MAX: variants seen among roughly 807,000 people sequenced by gnomAD.
MAX encodes MYC associated transcriptional regulator X.
Under a neutral mutation model 22.3 loss-of-function variants are expected in MAX, and 3 were observed. The ratio of observed to expected loss-of-function variants is 0.13; its 90% CI spans 0.06 to 0.35. MAX has a LOEUF of 0.35. Among genes scored for constraint, MAX ranks in the 10% least tolerant of loss-of-function variants. The pLI, the probability that MAX is intolerant of heterozygous loss-of-function variation, is 1.00. For missense variants in MAX, 119 were observed against 209.4 expected (o/e 0.57, Z 2.66); for synonymous variants, 72 against 77.7 (o/e 0.93, Z 0.39).
chr14:65,057,994 C>G (rs1000787338), intron 3 of MAX, among the ~76,000 whole-genome samples: 2 of 152,170 alleles, frequency 1.3e-5, no homozygotes, highest in African/African-American at 4.8e-5. Context: ...TTCAAAATTG[C>G]CTTGGCTATT....
In MAX at chr14:65,014,761, C is replaced by T. The variant is rs2061739286; in HGVS notation, c.172-8477G>A. Among the ~76,000 whole-genome samples, 1 of 152,134 alleles carries T rather than the reference C, an allele frequency of 6.6e-6. No homozygotes were observed. The highest frequency in any genetic ancestry group is 2.4e-5 in the African/African-American group (1 of 41,430). Reference sequence around the variant, plus strand: ...CCCGGGAGGTTGAGGCTGCAGTGAGCTGAGATCATACCACTGCACTCTAGC... The same window carrying T: ...CCCGGGAGGTTGAGGCTGCAGTGAGTTGAGATCATACCACTGCACTCTAGC... On this transcript the variant is annotated intron_variant, in intron 3 of 3. Transcript: ENST00000341653. The surrounding 1 kb of genome is among the most constrained non-coding windows in gnomAD (Gnocchi z 5.1).
intron 3 of MAX, among the ~76,000 whole-genome samples, chr14:65,055,528 T>A (rs2062715402): frequency 6.6e-6 from 1 of 152,086 alleles, no homozygotes; most frequent in Admixed American, 6.5e-5. Flanking sequence ...TTTTAATTTT[T>A]TTTTGTGAGA....
chr14:65,079,270 T>C lies in MAX; in HGVS notation c.172-1234A>G, dbSNP rs894425414. Among the ~76,000 whole-genome samples, 2 of 152,176 alleles carry C rather than the reference T, an allele frequency of 1.3e-5. No homozygotes were observed. Among genetic ancestry groups the C allele is most frequent in the African/African-American group, 4.8e-5 (2 of 41,448 alleles). On this transcript the variant is annotated intron_variant, in intron 3 of 4. Transcript: ENST00000358664. The surrounding 1 kb of genome is among the most constrained non-coding windows in gnomAD (Gnocchi z 4.5). ...GCCTTCCTGGCTAAAGAGACTTTCA[T>C]AAAAAGCTGTCGGTGCTTGATGTCA...
At position 65,012,222 on chromosome 14, in the gene MAX, C is replaced by G; in HGVS notation, c.172-5938G>C. ...GTGATTGCAGGGGGACGTCCTGAAG[C>G]TGAGTGTTTACCCGTGTGTGTGTAC... On this transcript the variant is annotated intron_variant, in intron 3 of 3. Coordinates refer to the MAX transcript ENST00000341653. The surrounding 1 kb of genome is among the most constrained non-coding windows in gnomAD (Gnocchi z 5.0). The G allele has an allele frequency of 6.7e-7, 1 of 1,499,652 alleles. No individual in the cohort carries two copies. The highest frequency in any genetic ancestry group is 9.2e-7 in the Non-Finnish European group (1 of 1,084,484). The allele number at this position is 1,499,652 out of a possible 1,614,324, so 92.9% of individuals were successfully genotyped here. A position where few individuals can be genotyped will look rare whatever the true frequency, so the allele number is the denominator to read the frequency against.
In MAX at chr14:65,094,615, G is replaced by C. The variant is rs927443921; in HGVS notation, c.64-800C>G. Among the ~76,000 whole-genome samples, 9 of 152,332 alleles carry C rather than the reference G, an allele frequency of 5.9e-5. No individual in the cohort carries two copies. The South Asian group carries it at 1.9e-3, about 32-fold the overall frequency. On this transcript the variant is annotated intron_variant, in intron 2 of 4. Transcript: ENST00000358664. ...TAACTGGCAGTATCTAAATATCCAA[G>C]TCAAAGCCTTAGCCTGCTTGGAATC...
rs1169947374 is a variant in MAX, at chr14:65,028,088, A to G, written c.172-21804T>C. On this transcript the variant is annotated intron_variant, in intron 3 of 3. Transcript: ENST00000341653. The surrounding 1 kb of genome is among the most constrained non-coding windows in gnomAD (Gnocchi z 4.4). Reference sequence around the variant, plus strand: ...CACAATATAAATAACTGTATGGTGTAATGTATTCCTTCACCTCTCTGAGAT... The same window carrying G: ...CACAATATAAATAACTGTATGGTGTGATGTATTCCTTCACCTCTCTGAGAT... 1.3e-5 allele frequency among the ~76,000 whole-genome samples: 2 copies of G among 152,212 alleles called. No homozygotes were observed. Among genetic ancestry groups the G allele is most frequent in the Non-Finnish European group, 2.9e-5 (2 of 68,036 alleles).
intron 3 of MAX, among the ~76,000 whole-genome samples, chr14:65,043,235 C>T (rs1307944625): frequency 6.6e-6 from 1 of 152,150 alleles, no homozygotes; most frequent in Non-Finnish European, 1.5e-5. Context: ...TTCTGAGGGA[C>T]CAAACCCATG....
At position 65,023,860 on chromosome 14, in the gene MAX, G is replaced by A. The variant is rs112808916; in HGVS notation, c.172-17576C>T. On this transcript the variant is annotated intron_variant, in intron 3 of 3. Coordinates refer to the MAX transcript ENST00000341653. The surrounding 1 kb of genome is among the most constrained non-coding windows in gnomAD (Gnocchi z 4.1). Reference sequence around the variant, plus strand: ...TCACGCCTGTAATCCTAGCACTTTGGGAGGCCAAGGCGGGCGGATTGTCTG... The same window carrying A: ...TCACGCCTGTAATCCTAGCACTTTGAGAGGCCAAGGCGGGCGGATTGTCTG... 0.01 allele frequency among the ~76,000 whole-genome samples: 1,579 copies of A among 152,150 alleles called. 25 individuals carry two copies. Among genetic ancestry groups the A allele is most frequent in the East Asian group, 0.082 (421 of 5,164 alleles).
rs184490652 is a variant in MAX at position 65,051,567 on chromosome 14, T to A, written c.171+42141A>T. Among the ~76,000 whole-genome samples the A allele has an allele frequency of 6.1e-3, 921 of 151,388 alleles. 11 individuals are homozygous for A. The highest frequency in any genetic ancestry group is 0.021 in the African/African-American group (871 of 41,256). ...CGGAGGTTGCAGTGAGCCGAGATCGTGCCATTGCCCTCCAACCTGGGCAAC... is the reference window on the plus strand; with the variant it reads ...CGGAGGTTGCAGTGAGCCGAGATCGAGCCATTGCCCTCCAACCTGGGCAAC... On this transcript the variant is annotated intron_variant, in intron 3 of 3. Transcript: ENST00000341653.
intron 2 of MAX, among the ~76,000 whole-genome samples, chr14:65,097,795 CA>C (rs1404048946): frequency 1.1e-4 from 16 of 152,252 alleles, no homozygotes; most frequent in Admixed American, 1.0e-3. Context: ...TCATTTTAAT[CA>C]ACCCAAAAAT....
At position 65,075,602 on chromosome 14, in the gene MAX, T is replaced by C. The variant is rs941361616; in HGVS notation, c.*874A>G. ...TTTGCAAGACCGACATCATCAGAAA[T>C]AGGTACAATTCACTCAGATTCAAAT... On this transcript the variant is annotated 3_prime_UTR_variant, in exon 5 of 5. Coordinates refer to ENST00000358664, the MANE Select transcript of MAX (RefSeq NM_002382.5). This position sits in a 1 kb window ranked among gnomAD's most constrained non-coding sequence, Gnocchi z 4.1. The C allele has an allele frequency of 1.9e-5, 20 of 1,066,334 alleles. No individual in the cohort carries two copies. The African/African-American group carries it at 2.6e-4, about 14-fold the overall frequency. The allele number at this position is 1,066,334 out of a possible 1,614,324, so 66.1% of individuals were successfully genotyped here. A position where few individuals can be genotyped will look rare whatever the true frequency, so the allele number is the denominator to read the frequency against.
chr14:65,049,979 T>C (rs1216941901), intron 3 of MAX, among the ~76,000 whole-genome samples: 2 of 151,872 alleles, frequency 1.3e-5, no homozygotes, highest in Admixed American at 1.3e-4. Context: ...GTATAAAACA[T>C]ATATATGTTT....
chr14:65,054,551 G>A lies in MAX; in HGVS notation c.171+39157C>T, dbSNP rs985488897. On this transcript the variant is annotated intron_variant, in intron 3 of 3. Transcript: ENST00000341653. The surrounding 1 kb of genome is among the most constrained non-coding windows in gnomAD (Gnocchi z 4.4). ...ATGTGTGCGGAGCAGAGGAGCGCCT[G>A]CTCAGAGCTGCCTGTCCTTACAGGT... 5.6e-6 allele frequency: 9 copies of A among 1,605,930 alleles called. No individual in the cohort carries two copies. The highest frequency in any genetic ancestry group is 7.7e-6 in the Non-Finnish European group (9 of 1,176,196).
At chr14:65,061,712 C>T (rs959964598) in intron 3 of MAX, 7 of 184,548 alleles carry the variant, frequency 3.8e-5, no homozygotes, top group Admixed American at 1.6e-4. Flanking sequence ...GGGTGCCCTC[C>T]GATGGGTGGA....
chr14:65,048,760 T>C (rs1473935909), intron 3 of MAX, among the ~76,000 whole-genome samples: 1 of 150,590 alleles, frequency 6.6e-6, no homozygotes, highest in African/African-American at 2.5e-5. Context: ...GAGGCTGAGG[T>C]AGAAGGATCA....
At chr14:65,053,697 C>G (rs1047230518) in intron 3 of MAX, among the ~76,000 whole-genome samples, 1 of 151,356 alleles carries the variant, frequency 6.6e-6, no homozygotes, top group Non-Finnish European at 1.5e-5. Context: ...GTGTTGTAAA[C>G]AGAGACTGTA....
At position 65,012,792 on chromosome 14, in the gene MAX, T is replaced by C. The variant is rs190183116; in HGVS notation, c.172-6508A>G. 6.6e-6 allele frequency among the ~76,000 whole-genome samples: 1 copy of C among 152,372 alleles called. No homozygotes were observed. The highest frequency in any genetic ancestry group is 2.4e-5 in the African/African-American group (1 of 41,594). On this transcript the variant is annotated intron_variant, in intron 3 of 3. Coordinates refer to the MAX transcript ENST00000341653. This position sits in a 1 kb window ranked among gnomAD's most constrained non-coding sequence, Gnocchi z 5.0. ...CAAACCTGTTAAGTCTGTATCGTGA[T>C]GGTTACAAATTTTCCAACTTCACCA...
In MAX at chr14:65,087,143, G is replaced by T. The variant is rs534140085; in HGVS notation, c.171+6565C>A. Reference sequence around the variant, plus strand: ...TGGGAACCTCTGCCTAGATTTCAGAGGATGGAGTATGGAAACACCTGTATG... The same window carrying T: ...TGGGAACCTCTGCCTAGATTTCAGATGATGGAGTATGGAAACACCTGTATG... On this transcript the variant is annotated intron_variant, in intron 3 of 4. Coordinates refer to ENST00000358664, the MANE Select transcript of MAX (RefSeq NM_002382.5). 1.1e-4 allele frequency among the ~76,000 whole-genome samples: 16 copies of T among 152,338 alleles called. 1 individual carries two copies. The South Asian group carries it at 3.3e-3, about 32-fold the overall frequency.
intron 2 of MAX, 92 bp downstream of exon 2, chr14:65,101,454 A>G: frequency 8.5e-7 from 1 of 1,172,054 alleles, no homozygotes; most frequent in Non-Finnish European, 1.2e-6. Flanking sequence ...CTACAATATT[A>G]AAAGTAATAG....
Sources: gnomAD v4.1 joint callset for allele counts (sites outside exome capture counted in the v4.1 genomes callset) on GRCh38, gnomAD v4.1.1 for gene constraint, Gnocchi (gnomAD v3.1) non-coding constraint, MANE v1.5 for transcripts, NCBI Gene and HGNC (gene_info 2026-07-23, HGNC 2026-07-21) for gene names.